The following AKNAD1 variants were observed in gnomAD, a reference collection of about 807,000 sequenced individuals.
The protein encoded by AKNAD1 is AKNA domain containing 1, also known as protein AKNAD1.
A neutral mutation model predicts 90.8 loss-of-function variants in AKNAD1; 67 were observed. That is an observed-to-expected ratio of 0.74 (90% confidence interval 0.61 to 0.90). The LOEUF is 0.90. AKNAD1 is among the 40% of genes least tolerant of loss of function. The pLI, the probability that AKNAD1 is intolerant of heterozygous loss-of-function variation, is 0.00. For synonymous variants in AKNAD1, 327 were observed against 341.4 expected (o/e 0.96, Z 0.46); for missense variants, 957 against 975.4 (o/e 0.98, Z 0.25).
chr1:108,838,061 T>TA (rs1664437676), intron 6 of AKNAD1, among the ~76,000 whole-genome samples: 1 of 152,204 alleles, frequency 6.6e-6, no homozygotes, highest in Admixed American at 6.5e-5. Context: ...AATTACTTGT[T>TA]ATGCTAATTT....
In AKNAD1 at chr1:108,823,648, A is replaced by G. The variant is rs1663895978; in HGVS notation, c.1977T>C (p.Thr659=). The G allele has an allele frequency of 1.2e-6, 2 of 1,614,082 alleles. No homozygotes were observed. Among genetic ancestry groups the G allele is most frequent in the Non-Finnish European group, 1.7e-6 (2 of 1,180,042 alleles). Reference sequence around the variant, plus strand: ...CCTGACATTTGTTACTCTGCATTTCAGTGCCAGAATCAGAACAGAAGCTGT... The same window carrying G: ...CCTGACATTTGTTACTCTGCATTTCGGTGCCAGAATCAGAACAGAAGCTGT... ...TGHSFCSDSG[T]EMQSNKCQDC... The change falls in exon 12 of 16, where the codon ACT becomes ACC. Residue 659 remains threonine (T), a synonymous_variant. Transcript: ENST00000370001.
At chr1:108,823,319 T>C (rs1410166835) in intron 13 of AKNAD1, 51 bp downstream of exon 13, 1 of 1,382,186 alleles carries the variant, frequency 7.2e-7, no homozygotes, top group South Asian at 1.2e-5. Flanking sequence ...GTCCCATACC[T>C]GGGACATTAG....
At chr1:108,830,677 A>G in intron 9 of AKNAD1, 27 bp from the exon 10 acceptor site, 1 of 1,610,714 alleles carries the variant, frequency 6.2e-7, no homozygotes, top group Non-Finnish European at 8.5e-7. Flanking sequence ...ACAGATGGAG[A>G]TGTGATAGAG....
intron 11 of AKNAD1, among the ~76,000 whole-genome samples, chr1:108,826,989 G>T (rs1664018494): frequency 6.6e-6 from 1 of 151,362 alleles, no homozygotes; most frequent in Non-Finnish European, 1.5e-5. Context: ...TGATCCACCC[G>T]CCTCAGCCTC....
At chr1:108,839,643 A>C (rs1664480792) in intron 6 of AKNAD1, among the ~76,000 whole-genome samples, 1 of 152,224 alleles carries the variant, frequency 6.6e-6, no homozygotes, top group Admixed American at 6.5e-5. Flanking sequence ...CTAATTCTAG[A>C]AAGCTAGGAA....
At chr1:108,835,607 C>T (rs1664356024) in intron 7 of AKNAD1, among the ~76,000 whole-genome samples, 1 of 151,290 alleles carries the variant, frequency 6.6e-6, no homozygotes, top group African/African-American at 2.4e-5. Context: ...TTTAACATTT[C>T]ATAATTATAT....
chr1:108,838,278 C>A (rs1375935962), intron 6 of AKNAD1, among the ~76,000 whole-genome samples: 2 of 151,700 alleles, frequency 1.3e-5, no homozygotes, highest in East Asian at 3.9e-4. Context: ...AATTATACTA[C>A]CTACATTCTC....
intron 5 of AKNAD1, among the ~76,000 whole-genome samples, chr1:108,846,129 G>A (rs1664694182): frequency 6.6e-6 from 1 of 152,144 alleles, no homozygotes. Flanking sequence ...CACGACATCC[G>A]CTCCAAAATC....
intron 11 of AKNAD1, among the ~76,000 whole-genome samples, chr1:108,824,945 A>G (rs1464854643): frequency 2.0e-5 from 3 of 151,676 alleles, no homozygotes; most frequent in African/African-American, 7.2e-5. Context: ...GTGATGGCAT[A>G]TAACTTCCAA....
Position 108,848,938 on chromosome 1 carries a change from C to G in AKNAD1, c.1156G>C (p.Glu386Gln), listed in dbSNP as rs201193242. The change falls in exon 4 of 16, where the codon GAA becomes CAA. Residue 386 changes from glutamate to glutamine, a missense_variant. Transcript: ENST00000370001. The stretch of plus-strand genomic sequence containing the variant: ...TTAGTCTTCAGTTGATCAGTCTGTT[C>G]TTTCAACTTCTGACACATCTGTTTC... ...QGKQMCQKLK[E>Q]QTDQLKTKVQ... 1.8e-5 allele frequency: 29 copies of G among 1,607,178 alleles called. No homozygotes were observed. The highest frequency in any genetic ancestry group is 8.5e-7 in the Non-Finnish European group (1 of 1,178,162).
chr1:108,834,882 C>T (rs997202144), intron 8 of AKNAD1, 47 bp downstream of exon 8: 3 of 1,498,240 alleles, frequency 2.0e-6, no homozygotes, highest in Admixed American at 5.0e-5. Context: ...AGGAAGGGGC[C>T]TCTTTCTGTG....
chr1:108,841,393 T>G (rs1363461611), intron 6 of AKNAD1, among the ~76,000 whole-genome samples: 1 of 152,000 alleles, frequency 6.6e-6, no homozygotes, highest in Non-Finnish European at 1.5e-5. Context: ...GAACATAAGA[T>G]TTTATGCTGA....
chr1:108,837,411 A>G, intron 7 of AKNAD1, 139 bp downstream of exon 7: 1 of 800,358 alleles, frequency 1.2e-6, no homozygotes, highest in Non-Finnish European at 1.9e-6. Context: ...TTAAAATAAT[A>G]TAATTCATGG....
rs747496245 is a variant in AKNAD1, at chr1:108,823,401, A to G, written c.2136T>C (p.His712=). 8 of 1,614,096 alleles carry G rather than the reference A, an allele frequency of 5.0e-6. No individual in the cohort carries two copies. The Admixed American group carries it at 8.3e-5, about 17-fold the overall frequency. Residue 712 remains histidine, a synonymous_variant, in exon 13 of 16, where the codon CAT becomes CAC. Transcript: ENST00000370001. ...HSKRGAFVQP[H]SLDESKNSSP... is the part of the protein sequence containing the mutation. ...AAGAGTTTTTACTTTCATCTAAAGAATGGGGCTGGACAAAGGCACCTCTTT... is the reference window on the plus strand; with the variant it reads ...AAGAGTTTTTACTTTCATCTAAAGAGTGGGGCTGGACAAAGGCACCTCTTT...
At chr1:108,836,430 C>G (rs1453006684) in intron 7 of AKNAD1, among the ~76,000 whole-genome samples, 1 of 150,818 alleles carries the variant, frequency 6.6e-6, no homozygotes, top group East Asian at 2.0e-4. Flanking sequence ...AGACCCAGTG[C>G]TGCGGGGACA....
At position 108,823,659 on chromosome 1, in the gene AKNAD1, C is replaced by A. The variant is rs372310040; in HGVS notation, c.1966G>T (p.Asp656Tyr). ...TTACTCTGCATTTCAGTGCCAGAATCAGAACAGAAGCTGTGTCCTGTATCA... is the reference window on the plus strand; with the variant it reads ...TTACTCTGCATTTCAGTGCCAGAATAAGAACAGAAGCTGTGTCCTGTATCA... Reference protein sequence around the residue: ...NSDTGHSFCSDSGTEMQSNKC... With the variant: ...NSDTGHSFCSYSGTEMQSNKC... The change falls in exon 12 of 16, where the codon GAT (aspartate) becomes TAT (tyrosine). Residue 656 changes from aspartate to tyrosine, a missense_variant. Physicochemically the swap from Asp to Tyr is radical, Grantham distance 160 (BLOSUM62 -3). Transcript: ENST00000370001. 2.5e-6 allele frequency: 4 copies of A among 1,613,970 alleles called. No homozygotes were observed. The highest frequency in any genetic ancestry group is 3.4e-6 in the Non-Finnish European group (4 of 1,180,012).
At chr1:108,835,092 C>T in intron 7 of AKNAD1, 36 bp from the exon 8 acceptor site, 2 of 1,564,494 alleles carry the variant, frequency 1.3e-6, no homozygotes, top group Non-Finnish European at 1.7e-6. Context: ...GAATTAGAGC[C>T]ACAGTCCCAC....
In AKNAD1 at chr1:108,837,709, A is replaced by G; in HGVS notation, c.1380-3T>C. ...TGAAGATTTCACCTTCCACTTTTCT[A>G]AGTAAACATAAACACACAGGCATCT... On this transcript the variant is annotated splice_polypyrimidine_tract_variant and splice_region_variant and intron_variant, in intron 6 of 15. Coordinates refer to ENST00000370001, the MANE Select transcript of AKNAD1 (RefSeq NM_152763.5). 6.2e-7 allele frequency: 1 copy of G among 1,614,042 alleles called. No individual in the cohort carries two copies. The highest frequency in any genetic ancestry group is 8.5e-7 in the Non-Finnish European group (1 of 1,179,964).
chr1:108,835,513 A>G (rs1664353834), intron 7 of AKNAD1, among the ~76,000 whole-genome samples: 1 of 152,198 alleles, frequency 6.6e-6, no homozygotes, highest in Non-Finnish European at 1.5e-5. Flanking sequence ...CACAAAACTA[A>G]TAAGTGACAG....
Sources: allele counts gnomAD v4.1 joint callset (sites outside exome capture counted in the v4.1 genomes callset), GRCh38; gene constraint gnomAD v4.1.1; transcripts MANE v1.5; gene names NCBI Gene and HGNC (gene_info 2026-07-23, HGNC 2026-07-21).